Variants in KHDRBS2 observed in about 807,000 individuals in gnomAD.
The protein encoded by KHDRBS2 is KH domain-containing, RNA-binding, signal transduction-associated protein 2.
In KHDRBS2, 26 loss-of-function variants were observed where a neutral mutation model predicts 44.3. The observed-to-expected ratio is 0.59, with a 90% confidence interval of 0.43 to 0.81. KHDRBS2 has a LOEUF of 0.81. Ranked by LOEUF, KHDRBS2 falls within the 40% of genes least tolerant of loss-of-function variation. The probability of loss-of-function intolerance (pLI) is 0.00; values close to 1 mark genes in which losing one functional copy is unlikely to be tolerated. For synonymous variants in KHDRBS2, 194 were observed against 151.1 expected, an observed-to-expected ratio of 1.28 and a Z score of -2.08; for missense variants, 476 against 433.1, an observed-to-expected ratio of 1.10 and a Z score of -0.88.
At chr6:61,815,362 G>C (rs1224065298) in intron 6 of KHDRBS2, among the ~76,000 whole-genome samples, 1 of 152,066 alleles carries the variant, frequency 6.6e-6, no homozygotes, top group Admixed American at 6.6e-5. Flanking sequence ...TCAGACCATG[G>C]TTGACAGCAG....
chr6:62,049,552 G>T (rs996743480), intron 2 of KHDRBS2, among the ~76,000 whole-genome samples: 33 of 150,736 alleles, frequency 2.2e-4, no homozygotes, highest in African/African-American at 7.8e-4. Context: ...ATGTTCGTTG[G>T]CTACATAAAT....
intron 2 of KHDRBS2, among the ~76,000 whole-genome samples, chr6:62,100,174 G>A (rs1301256562): frequency 1.3e-5 from 2 of 152,178 alleles, no homozygotes; most frequent in East Asian, 1.9e-4. Flanking sequence ...GGATGTAACT[G>A]TAGATGTAAT....
At chr6:61,543,733 A>C in the KHDRBS2 span, among the ~76,000 whole-genome samples, 22 of 152,216 alleles carry the variant, frequency 1.4e-4, no homozygotes, top group South Asian at 1.9e-3. Context: ...GATAGCAAAC[A>C]TGTGGTACAT....
intron 2 of KHDRBS2, among the ~76,000 whole-genome samples, chr6:62,051,020 T>C (rs1323635092): frequency 2.0e-5 from 3 of 152,010 alleles, no homozygotes; most frequent in African/African-American, 7.2e-5. Context: ...GAATACATTA[T>C]GTTAGGTTCC....
chr6:62,053,830 T>C (rs1390539188), intron 2 of KHDRBS2, among the ~76,000 whole-genome samples: 1 of 152,142 alleles, frequency 6.6e-6, no homozygotes, highest in East Asian at 1.9e-4. Context: ...ACAAAGTGTT[T>C]TCATAAAAAT....
At chr6:62,258,986 G>A (rs1458041091) in intron 1 of KHDRBS2, among the ~76,000 whole-genome samples, 2 of 151,968 alleles carry the variant, frequency 1.3e-5, no homozygotes, top group African/African-American at 4.8e-5. Context: ...AAGGGAAATT[G>A]TTCTTCTCCC....
At chr6:62,262,480 C>T (rs538832555) in intron 1 of KHDRBS2, among the ~76,000 whole-genome samples, 44 of 151,708 alleles carry the variant, frequency 2.9e-4, no homozygotes, top group African/African-American at 9.9e-4. Context: ...TCATTGTCAG[C>T]AAAATCAAAT....
intron 2 of KHDRBS2, among the ~76,000 whole-genome samples, chr6:62,053,450 T>A (rs1416058970): frequency 6.6e-6 from 1 of 152,020 alleles, no homozygotes; most frequent in African/African-American, 2.4e-5. Context: ...TGAGTTTTAT[T>A]TATCATAGGT....
At chr6:62,012,184 C>A (rs558139401) in intron 3 of KHDRBS2, among the ~76,000 whole-genome samples, 2 of 152,192 alleles carry the variant, frequency 1.3e-5, no homozygotes, top group Non-Finnish European at 2.9e-5. Context: ...CATGTTTCCT[C>A]CAGAGTCCAA....
chr6:62,284,684 T>C (rs1030449582), intron 1 of KHDRBS2, among the ~76,000 whole-genome samples: 1 of 152,150 alleles, frequency 6.6e-6, no homozygotes, highest in African/African-American at 2.4e-5. Flanking sequence ...AATATAAATC[T>C]TTTCCTAATT....
At chr6:62,017,975 T>C (rs1366399862) in intron 3 of KHDRBS2, among the ~76,000 whole-genome samples, 1 of 151,884 alleles carries the variant, frequency 6.6e-6, no homozygotes, top group African/African-American at 2.4e-5. Context: ...GACACATGAT[T>C]CCATTAATCA....
chr6:61,874,933 G>GA (rs1799203501), intron 6 of KHDRBS2, among the ~76,000 whole-genome samples: 1 of 151,976 alleles, frequency 6.6e-6, no homozygotes, highest in South Asian at 2.1e-4. Context: ...TTTTTTGATT[G>GA]AGCACTTATT....
chr6:62,219,387 C>T (rs1259106026), intron 1 of KHDRBS2, among the ~76,000 whole-genome samples: 1 of 151,746 alleles, frequency 6.6e-6, no homozygotes, highest in African/African-American at 2.4e-5. Flanking sequence ...TAAATAATAG[C>T]TTAGAGTTTC....
chr6:62,156,082 T>C (rs138835489), intron 2 of KHDRBS2, among the ~76,000 whole-genome samples: 103 of 152,284 alleles, frequency 6.8e-4, no homozygotes, highest in African/African-American at 2.4e-3. Context: ...TTCCAGGGTG[T>C]AGTCAGAAAA....
chr6:61,808,349 C>T (rs1787511518), intron 6 of KHDRBS2, among the ~76,000 whole-genome samples: 1 of 151,872 alleles, frequency 6.6e-6, no homozygotes. Flanking sequence ...TTCAAATGTG[C>T]CCTAAAAGAA....
intron 3 of KHDRBS2, among the ~76,000 whole-genome samples, chr6:61,984,347 C>CT (rs1446044645): frequency 2.6e-5 from 4 of 152,226 alleles, no homozygotes; most frequent in Non-Finnish European, 2.9e-5. Context: ...ATCAACCTAG[C>CT]TTTTTTTGTG....
At chr6:61,978,939 T>G (rs569008439) in intron 3 of KHDRBS2, among the ~76,000 whole-genome samples, 1 of 152,064 alleles carries the variant, frequency 6.6e-6, no homozygotes, top group African/African-American at 2.4e-5. Context: ...TTATTTTTAA[T>G]GGCAAAAACC....
At chr6:61,757,149 T>TC (rs1778609150) in intron 6 of KHDRBS2, among the ~76,000 whole-genome samples, 1 of 152,288 alleles carries the variant, frequency 6.6e-6, no homozygotes, top group East Asian at 1.9e-4. Context: ...TGCTGCTGCT[T>TC]GGTGAAGTGT....
At chr6:61,922,938 T>C (rs1808318679) in intron 4 of KHDRBS2, among the ~76,000 whole-genome samples, 1 of 152,100 alleles carries the variant, frequency 6.6e-6, no homozygotes, top group African/African-American at 2.4e-5. Context: ...TAAAATATGA[T>C]ACATAACAAG....
Sources: gnomAD v4.1 joint callset for allele counts (sites outside exome capture counted in the v4.1 genomes callset) on GRCh38, gnomAD v4.1.1 for gene constraint, MANE v1.5 for transcripts, NCBI Gene and HGNC (gene_info 2026-07-23, HGNC 2026-07-21) for gene names.